The following POU6F2 variants were observed in gnomAD, a reference collection of about 807,000 sequenced individuals.
POU6F2 encodes the protein POU class 6 homeobox 2.
A neutral mutation model predicts 71.3 loss-of-function variants in POU6F2; 31 were observed. That is an observed-to-expected ratio of 0.43 (90% confidence interval 0.33 to 0.59). The LOEUF (loss-of-function observed/expected upper bound fraction) is 0.59. POU6F2 is among the 20% of genes least tolerant of loss of function. POU6F2 has a pLI of 0.04. For synonymous variants in POU6F2, 347 were observed against 355.7 expected (o/e 0.98, Z 0.27); for missense variants, 783 against 856.8 (o/e 0.91, Z 1.07).
At chr7:38,985,157 A>C (rs561980271) in intron 1 of POU6F2, among the ~76,000 whole-genome samples, 4 of 152,282 alleles carry the variant, frequency 2.6e-5, no homozygotes, top group African/African-American at 9.6e-5. Context: ...AATGGGCAAG[A>C]ATGGAGCTGG....
intron 5 of POU6F2, among the ~76,000 whole-genome samples, chr7:39,382,160 T>C (rs1786841526): frequency 6.6e-6 from 1 of 152,202 alleles, no homozygotes; most frequent in Non-Finnish European, 1.5e-5. Context: ...CCAGATTGGT[T>C]ATCTGGCTGC....
chr7:39,117,241 C>T (rs1791949300), intron 2 of POU6F2, among the ~76,000 whole-genome samples: 4 of 152,078 alleles, frequency 2.6e-5, no homozygotes, highest in Admixed American at 2.6e-4. Flanking sequence ...CTTGGGGTGT[C>T]GAGCAAGGGA....
intron 1 of POU6F2, among the ~76,000 whole-genome samples, chr7:39,033,497 C>G (rs772341845): frequency 1.3e-5 from 2 of 152,152 alleles, no homozygotes; most frequent in South Asian, 4.1e-4. Context: ...AACGCTATGT[C>G]TTTAGTTTAT....
chr7:39,349,265 C>A (rs945501473), intron 5 of POU6F2, among the ~76,000 whole-genome samples: 1 of 152,194 alleles, frequency 6.6e-6, no homozygotes, highest in Admixed American at 6.5e-5. Flanking sequence ...GGTTGCTTCT[C>A]GTGGCAGCTG....
At chr7:39,457,585 G>C (rs982373346) in intron 8 of POU6F2, among the ~76,000 whole-genome samples, 7 of 152,144 alleles carry the variant, frequency 4.6e-5, no homozygotes, top group Admixed American at 4.6e-4. Flanking sequence ...ATGGCACACA[G>C]AGTGCACCAC....
intron 2 of POU6F2, among the ~76,000 whole-genome samples, chr7:39,190,688 A>G (rs1223382132): frequency 8.3e-5 from 10 of 119,846 alleles, no homozygotes; most frequent in African/African-American, 3.0e-4. Context: ...CCCAGGCTGG[A>G]GTGTAATAGC....
intron 5 of POU6F2, among the ~76,000 whole-genome samples, chr7:39,378,398 A>T (rs1233880874): frequency 6.6e-6 from 1 of 152,120 alleles, no homozygotes; most frequent in Non-Finnish European, 1.5e-5. Context: ...CCGTCTACAG[A>T]CTAAGTCAAC....
intron 1 of POU6F2, among the ~76,000 whole-genome samples, chr7:39,035,090 A>T (rs983839357): frequency 3.3e-5 from 5 of 151,178 alleles, no homozygotes; most frequent in Admixed American, 6.6e-5. Context: ...GTGTATATAT[A>T]TTTTTAATAT....
At chr7:39,144,896 T>A (rs1276260780) in intron 2 of POU6F2, among the ~76,000 whole-genome samples, 1 of 152,170 alleles carries the variant, frequency 6.6e-6, no homozygotes, top group Non-Finnish European at 1.5e-5. Flanking sequence ...GTATTTGATC[T>A]ATGGTAGCCT....
intron 2 of POU6F2, among the ~76,000 whole-genome samples, chr7:39,109,857 T>C (rs1286631932): frequency 6.6e-6 from 1 of 152,204 alleles, no homozygotes; most frequent in Non-Finnish European, 1.5e-5. Flanking sequence ...ATTATGTATC[T>C]CTCTAATTCT....
intron 5 of POU6F2, among the ~76,000 whole-genome samples, chr7:39,374,699 C>T (rs1786676359): frequency 6.6e-6 from 1 of 152,134 alleles, no homozygotes; most frequent in Admixed American, 6.5e-5. Context: ...TTCACCAGGA[C>T]TCTTGGATTG....
At chr7:39,318,862 G>T (rs1785326022) in intron 4 of POU6F2, among the ~76,000 whole-genome samples, 1 of 152,182 alleles carries the variant, frequency 6.6e-6, no homozygotes, top group Admixed American at 6.5e-5. Flanking sequence ...CCAACTTGGG[G>T]CCAGGCGCAA....
intron 1 of POU6F2, among the ~76,000 whole-genome samples, chr7:38,982,129 C>T (rs1235691958): frequency 3.3e-5 from 5 of 152,156 alleles, no homozygotes; most frequent in Non-Finnish European, 5.9e-5. Flanking sequence ...GATATTCGTG[C>T]CTTACATATA....
chr7:39,170,189 A>T (rs1441040644), intron 2 of POU6F2, among the ~76,000 whole-genome samples: 1 of 152,184 alleles, frequency 6.6e-6, no homozygotes, highest in Non-Finnish European at 1.5e-5. Context: ...ATAATAAAAA[A>T]AATTGTATTC....
chr7:39,153,983 T>C (rs983513217), intron 2 of POU6F2, among the ~76,000 whole-genome samples: 2 of 152,178 alleles, frequency 1.3e-5, no homozygotes, highest in African/African-American at 4.8e-5. Context: ...CACATAAACA[T>C]CAATAGTAAC....
chr7:39,127,988 G>A, intron 2 of POU6F2, among the ~76,000 whole-genome samples: 1 of 151,720 alleles, frequency 6.6e-6, no homozygotes, highest in East Asian at 1.9e-4. Flanking sequence ...GACCACAGGT[G>A]CCCACCACCA....
At chr7:39,054,911 G>T (rs530481483) in intron 1 of POU6F2, among the ~76,000 whole-genome samples, 1 of 152,042 alleles carries the variant, frequency 6.6e-6, no homozygotes, top group Non-Finnish European at 1.5e-5. Flanking sequence ...GAAAAGGCCA[G>T]ATCATGTAAT....
intron 5 of POU6F2, among the ~76,000 whole-genome samples, chr7:39,404,274 C>T (rs1787369448): frequency 6.6e-6 from 1 of 152,116 alleles, no homozygotes; most frequent in Non-Finnish European, 1.5e-5. Context: ...ATTGTTTATC[C>T]TTTATGCAAT....
chr7:39,251,994 C>T (rs1783928828), intron 4 of POU6F2, among the ~76,000 whole-genome samples: 1 of 152,180 alleles, frequency 6.6e-6, no homozygotes, highest in East Asian at 1.9e-4. Context: ...GTGCCTGTTG[C>T]CTCTGATCCA....
Sources: gnomAD v4.1 joint callset for allele counts (sites outside exome capture counted in the v4.1 genomes callset) on GRCh38, gnomAD v4.1.1 for gene constraint, MANE v1.5 for transcripts, NCBI Gene and HGNC (gene_info 2026-07-23, HGNC 2026-07-21) for gene names.